Variants in CA10 observed in about 807,000 individuals in gnomAD.
CA10 encodes the protein carbonic anhydrase-related protein 10.
CA10 carries 14 observed loss-of-function variants against 44.2 expected under a neutral mutation model. The observed-to-expected ratio is 0.32, with a 90% CI of 0.21 to 0.50. The LOEUF (loss-of-function observed/expected upper bound fraction) is 0.50. Ranked by LOEUF, CA10 falls within the 20% of genes least tolerant of loss-of-function variation. The probability of loss-of-function intolerance (pLI) is 0.99; values close to 1 mark genes in which losing one functional copy is unlikely to be tolerated. For missense variants in CA10, 350 were observed against 409.7 expected, an observed-to-expected ratio of 0.85 and a Z score of 1.26; for synonymous variants, 159 against 141.6, an observed-to-expected ratio of 1.12 and a Z score of -0.87.
At chr17:52,157,641 C>A in intron 1 of CA10, 85 bp downstream of exon 1, 3 of 1,256,398 alleles carry the variant, frequency 2.4e-6, no homozygotes, top group South Asian at 2.4e-5. Flanking sequence ...TCTCTCTGCC[C>A]CGCGGCTATA....
At chr17:52,031,331 G>T (rs764898694) in intron 2 of CA10, among the ~76,000 whole-genome samples, 1 of 151,942 alleles carries the variant, frequency 6.6e-6, no homozygotes, top group Non-Finnish European at 1.5e-5. Context: ...TGTATTTTTA[G>T]TAGAGATGGG....
chr17:51,692,693 C>T (rs994893804), intron 4 of CA10, among the ~76,000 whole-genome samples: 79 of 152,038 alleles, frequency 5.2e-4, no homozygotes, highest in African/African-American at 1.9e-3. Flanking sequence ...TAATTATTGG[C>T]CTATTGAAGG....
intron 3 of CA10, among the ~76,000 whole-genome samples, chr17:51,917,207 C>T (rs1039569163): frequency 6.9e-6 from 1 of 144,024 alleles, no homozygotes; most frequent in African/African-American, 2.4e-5. Flanking sequence ...TTCAAGTCAC[C>T]ACCTTGATGG....
chr17:51,724,751 T>C (rs888651790), intron 4 of CA10, among the ~76,000 whole-genome samples: 1 of 152,210 alleles, frequency 6.6e-6, no homozygotes, highest in African/African-American at 2.4e-5. Context: ...GACTTGAGAA[T>C]GAAACTAAAC....
chr17:52,027,049 G>A (rs566841389), intron 2 of CA10, among the ~76,000 whole-genome samples: 55 of 152,080 alleles, frequency 3.6e-4, no homozygotes, highest in African/African-American at 1.2e-3. Flanking sequence ...AGAATCAATG[G>A]GAGTCCTGAG....
At chr17:52,150,432 G>A (rs539778112) in intron 1 of CA10, among the ~76,000 whole-genome samples, 1 of 152,116 alleles carries the variant, frequency 6.6e-6, no homozygotes, top group African/African-American at 2.4e-5. Flanking sequence ...GGAGGAAAAG[G>A]TCACTGTCTT....
At chr17:52,131,417 C>A (rs1989236737) in intron 1 of CA10, among the ~76,000 whole-genome samples, 1 of 137,136 alleles carries the variant, frequency 7.3e-6, no homozygotes, top group Non-Finnish European at 1.7e-5. Context: ...GGACTAAATG[C>A]AACCAGCATA....
intron 2 of CA10, among the ~76,000 whole-genome samples, chr17:52,068,423 C>A (rs781437101): frequency 6.6e-6 from 1 of 152,228 alleles, no homozygotes; most frequent in Non-Finnish European, 1.5e-5. Flanking sequence ...CGGTCTCAGG[C>A]AGTTCTTTAA....
intron 2 of CA10, among the ~76,000 whole-genome samples, chr17:51,945,978 A>G (rs1983258119): frequency 6.6e-6 from 1 of 152,168 alleles, no homozygotes; most frequent in South Asian, 2.1e-4. Context: ...CCATCCTAAA[A>G]AGATCACAGG....
chr17:52,079,499 AC>A (rs1398478272), intron 1 of CA10, among the ~76,000 whole-genome samples: 1 of 152,136 alleles, frequency 6.6e-6, no homozygotes, highest in Non-Finnish European at 1.5e-5. Context: ...AAAGCTTAGT[AC>A]ATAATAAGTG....
chr17:51,837,540 G>A (rs1409302734), intron 3 of CA10, among the ~76,000 whole-genome samples: 1 of 152,206 alleles, frequency 6.6e-6, no homozygotes, highest in African/African-American at 2.4e-5. Context: ...AATGACATTG[G>A]TGGTACAAGT....
At chr17:51,823,797 C>CT (rs1156505071) in intron 3 of CA10, among the ~76,000 whole-genome samples, 2 of 152,166 alleles carry the variant, frequency 1.3e-5, no homozygotes, top group Non-Finnish European at 2.9e-5. Flanking sequence ...TCATTCCAAA[C>CT]TTTTCTTTTT....
rs1236910930 is a variant in CA10, at chr17:52,072,329, G to C, written c.126C>G (p.Ser42Arg). The change falls in exon 2 of 9, where the codon AGC becomes AGG. Residue 42 changes from serine to arginine, a missense_variant. Transcript: ENST00000451037. ...WWAYKEVVQG[S>R]FVPVPSFWGL... Reference sequence around the variant, plus strand: ...TTAATGTGTACTTACCTGGAACAAAGCTTCCCTGGACCACCTCCTTGTATG... The same window carrying C: ...TTAATGTGTACTTACCTGGAACAAACCTTCCCTGGACCACCTCCTTGTATG... The C allele has an allele frequency of 6.2e-7, 1 of 1,609,656 alleles. No homozygotes were observed. The highest frequency in any genetic ancestry group is 1.3e-5 in the African/African-American group (1 of 74,814).
chr17:51,875,370 G>C (rs1980023156), intron 3 of CA10, among the ~76,000 whole-genome samples: 2 of 152,144 alleles, frequency 1.3e-5, no homozygotes, highest in Non-Finnish European at 2.9e-5. Flanking sequence ...GAGAACCATG[G>C]TATTATTAGA....
At chr17:51,849,793 C>A (rs979424149) in intron 3 of CA10, among the ~76,000 whole-genome samples, 15 of 152,130 alleles carry the variant, frequency 9.9e-5, no homozygotes, top group African/African-American at 3.6e-4. Context: ...GGGAAATGGG[C>A]AATGAGATAT....
At chr17:51,923,082 A>G (rs1020372878) in intron 3 of CA10, among the ~76,000 whole-genome samples, 1 of 152,204 alleles carries the variant, frequency 6.6e-6, no homozygotes. Flanking sequence ...ACATAAAATT[A>G]TACATACCAT....
chr17:52,053,139 T>C (rs916270442), intron 2 of CA10, among the ~76,000 whole-genome samples: 2 of 152,088 alleles, frequency 1.3e-5, no homozygotes, highest in Admixed American at 6.6e-5. Flanking sequence ...ACTTTAGAAA[T>C]AGATTTCACC....
chr17:51,937,779 G>C (rs367610961), intron 2 of CA10, among the ~76,000 whole-genome samples: 1 of 152,072 alleles, frequency 6.6e-6, no homozygotes, highest in South Asian at 2.1e-4. Flanking sequence ...TGTATATTAA[G>C]GCTTAAATTA....
chr17:51,751,575 GA>G (rs1666280086), intron 3 of CA10, among the ~76,000 whole-genome samples: 1 of 152,138 alleles, frequency 6.6e-6, no homozygotes, highest in South Asian at 2.1e-4. Flanking sequence ...AGGTGATATT[GA>G]AGGATTCTCG....
Sources: gnomAD v4.1 joint callset for allele counts (sites outside exome capture counted in the v4.1 genomes callset) on GRCh38, gnomAD v4.1.1 for gene constraint, MANE v1.5 for transcripts, NCBI Gene and HGNC (gene_info 2026-07-23, HGNC 2026-07-21) for gene names.